Variants in CUX1 observed in about 807,000 individuals in gnomAD.
CUX1 encodes the protein protein CASP.
In CUX1, 31 loss-of-function variants were observed where a neutral mutation model predicts 158.8. The ratio of observed to expected loss-of-function variants is 0.20; its 90% CI spans 0.15 to 0.26. The LOEUF is 0.26. CUX1 is among the 10% of genes least tolerant of loss of function. The pLI, the probability that CUX1 is intolerant of heterozygous loss-of-function variation, is 1.00. For synonymous variants in CUX1, 879 were observed against 862.1 expected (o/e 1.02, Z -0.34); for missense variants, 1,589 against 2,014.6 (o/e 0.79, Z 4.04).
chr7:102,165,225 T>C lies in CUX1; in HGVS notation c.724-5221T>C, dbSNP rs1463478268. Among the ~76,000 whole-genome samples, 3 of 152,110 alleles carry C rather than the reference T, an allele frequency of 2.0e-5. No homozygotes were observed. The East Asian group carries it at 5.8e-4, about 30-fold the overall frequency. ...TTTATCCTCTGCAAGCCCACCCCTC[T>C]CTGTGTCCTTCCCATGATGCCTTAC... On this transcript the variant is annotated intron_variant, in intron 9 of 23. Transcript: ENST00000292535.
At chr7:101,839,194 A>G (rs1794943775) in intron 1 of CUX1, among the ~76,000 whole-genome samples, 1 of 152,122 alleles carries the variant, frequency 6.6e-6, no homozygotes. Flanking sequence ...GCTTCAATGT[A>G]TGAATTTGAG....
chr7:102,082,743 A>G (rs1585585735), intron 4 of CUX1, among the ~76,000 whole-genome samples: 1 of 147,176 alleles, frequency 6.8e-6, no homozygotes, highest in African/African-American at 2.4e-5. Context: ...TCTTTCACTC[A>G]GCGCGGTGTT....
intron 9 of CUX1, 77 bp downstream of exon 9, chr7:102,158,685 C>T (rs1790066035): frequency 9.9e-6 from 14 of 1,414,982 alleles, no homozygotes; most frequent in Admixed American, 5.1e-5. Flanking sequence ...ATGCGTCACC[C>T]GAAGTTAGAA....
Position 102,088,703 on chromosome 7 carries a change from GGACT to G in CUX1, c.269-8655_269-8652del, listed in dbSNP as rs1462053436. ...TTGGGTTCTGGTTTTTTCTCTCTCT[GGACT>G]GACTGTTTCTGAGACAGGCGATCTC... is the stretch of plus-strand genomic sequence containing the variant. On this transcript the variant is annotated intron_variant, in intron 4 of 23. Coordinates refer to ENST00000292535, the MANE Select transcript of CUX1 (RefSeq NM_181552.4). Among the ~76,000 whole-genome samples the G allele has an allele frequency of 2.2e-4, 33 of 152,188 alleles. 1 individual carries two copies. The highest frequency in any genetic ancestry group is 7.0e-4 in the African/African-American group (29 of 41,526).
exon 15 of CUX1, chr7:102,273,424 G>A (rs1407176628): frequency 6.2e-7 from 1 of 1,613,254 alleles, no homozygotes; most frequent in Admixed American, 1.7e-5. Context: ...CCACTGAGCA[G>A]AGAGAGCTGA....
At position 102,236,790 on chromosome 7, in the gene CUX1, G is replaced by A. The variant is rs1799612247; in HGVS notation, c.3623-2530G>A. On this transcript the variant is annotated intron_variant, in intron 22 of 23. Transcript: ENST00000292535. ...TGTGTTTCTCACCCTGGGGCCCTTA[G>A]GAAAGGACCTTAGTCCCCGCAAATA... Among the ~76,000 whole-genome samples, 3 of 152,248 alleles carry A rather than the reference G, an allele frequency of 2.0e-5. No individual in the cohort carries two copies. The Middle Eastern group carries it at 0.01, about 518-fold the overall frequency.
chr7:101,973,648 C>G (rs943825538), intron 2 of CUX1, among the ~76,000 whole-genome samples: 14 of 152,096 alleles, frequency 9.2e-5, no homozygotes, highest in Non-Finnish European at 1.8e-4. Flanking sequence ...CACCTGGACC[C>G]CTGAATTGGA....
At chr7:101,858,197 A>T (rs911523203) in intron 1 of CUX1, among the ~76,000 whole-genome samples, 2 of 152,182 alleles carry the variant, frequency 1.3e-5, no homozygotes, top group African/African-American at 4.8e-5. Flanking sequence ...AACCTGCTTT[A>T]AAAAAATGCA....
At chr7:102,269,572 AT>A (rs71123030) in intron 14 of CUX1, among the ~76,000 whole-genome samples, 66 of 107,766 alleles carry the variant, frequency 6.1e-4, no homozygotes, top group African/African-American at 1.9e-3. Flanking sequence ...TGCCCGGCTA[AT>A]TTTTTTTTTT....
chr7:101,928,478 C>A (rs1274282020), intron 2 of CUX1, among the ~76,000 whole-genome samples: 3 of 148,994 alleles, frequency 2.0e-5, no homozygotes, highest in Non-Finnish European at 4.4e-5. Flanking sequence ...TCAAGTGATT[C>A]TCCTGCCTCA....
chr7:102,149,761 T>C (rs1835434652), intron 8 of CUX1, among the ~76,000 whole-genome samples: 2 of 152,082 alleles, frequency 1.3e-5, no homozygotes, highest in African/African-American at 2.4e-5. Flanking sequence ...CCCCCACCCC[T>C]TGCCCAACTC....
chr7:102,100,344 G>C (rs1829645554), intron 5 of CUX1, among the ~76,000 whole-genome samples: 1 of 152,176 alleles, frequency 6.6e-6, no homozygotes, highest in South Asian at 2.1e-4. Context: ...CTACCACCTA[G>C]CTATGTGACC....
At chr7:102,027,541 A>G (rs1820189358) in intron 2 of CUX1, among the ~76,000 whole-genome samples, 1 of 152,000 alleles carries the variant, frequency 6.6e-6, no homozygotes, top group Non-Finnish European at 1.5e-5. Context: ...AATGAGGTAT[A>G]TGTGACCAGG....
At chr7:101,943,746 G>A (rs1487318342) in intron 2 of CUX1, among the ~76,000 whole-genome samples, 1 of 151,878 alleles carries the variant, frequency 6.6e-6, no homozygotes, top group Non-Finnish European at 1.5e-5. Context: ...GGCTTGTGGA[G>A]GCTCGTGATC....
chr7:101,971,955 C>A (rs1428914411), intron 2 of CUX1, among the ~76,000 whole-genome samples: 1 of 152,110 alleles, frequency 6.6e-6, no homozygotes, highest in Non-Finnish European at 1.5e-5. Context: ...ATTTCAGATA[C>A]TGATTTATTT....
chr7:102,184,534 C>G (rs1793443072), intron 11 of CUX1, among the ~76,000 whole-genome samples: 1 of 152,214 alleles, frequency 6.6e-6, no homozygotes, highest in Non-Finnish European at 1.5e-5. Flanking sequence ...TAAGGTTATC[C>G]AAGGTCACAG....
intron 4 of CUX1, among the ~76,000 whole-genome samples, chr7:102,095,955 A>T (rs781881785): frequency 5.3e-5 from 8 of 152,260 alleles, no homozygotes; most frequent in Non-Finnish European, 8.8e-5. Flanking sequence ...ATGCGGAAGA[A>T]CATTTAAGGT....
At chr7:102,158,188 C>G (rs1177702428) in intron 8 of CUX1, among the ~76,000 whole-genome samples, 1 of 152,190 alleles carries the variant, frequency 6.6e-6, no homozygotes. Context: ...CTGCAGCCTT[C>G]CTTGATTCCC....
At chr7:101,945,148 A>G (rs1309173472) in intron 2 of CUX1, among the ~76,000 whole-genome samples, 5 of 152,276 alleles carry the variant, frequency 3.3e-5, no homozygotes, top group African/African-American at 1.2e-4. Flanking sequence ...GCTGGGAGTC[A>G]GGGGTGGATG....
Sources: gnomAD v4.1 joint callset for allele counts (sites outside exome capture counted in the v4.1 genomes callset) on GRCh38, gnomAD v4.1.1 for gene constraint, MANE v1.5 for transcripts, NCBI Gene and HGNC (gene_info 2026-07-23, HGNC 2026-07-21) for gene names.